NRG1: variants seen among roughly 807,000 people sequenced by gnomAD.
The protein encoded by NRG1 is neuregulin 1.
In NRG1, 18 loss-of-function variants were observed where a neutral mutation model predicts 63.8. That is an observed-to-expected ratio of 0.28 (90% CI 0.19 to 0.42). The LOEUF (loss-of-function observed/expected upper bound fraction) is 0.42. Ranked by LOEUF, NRG1 falls within the 10% of genes least tolerant of loss-of-function variation. NRG1 has a pLI of 1.00. For missense variants in NRG1, 762 were observed against 814.7 expected (o/e 0.94, Z 0.79); for synonymous variants, 302 against 301.3 (o/e 1.00, Z -0.02).
At chr8:32,614,482 T>A in intron 3 of NRG1, 32 bp from the exon 4 acceptor site, 1 of 1,608,998 alleles carries the variant, frequency 6.2e-7, no homozygotes, top group South Asian at 1.1e-5. Flanking sequence ...CCTGTTTATA[T>A]ATCATAATGT....
At chr8:32,456,763 G>C (rs1170563988) in intron 1 of NRG1, among the ~76,000 whole-genome samples, 1 of 152,066 alleles carries the variant, frequency 6.6e-6, no homozygotes, top group Non-Finnish European at 1.5e-5. Flanking sequence ...GATTTTCACG[G>C]GTGGTTGGAC....
At position 31,716,763 on chromosome 8, in the gene NRG1, T is replaced by C. The variant is rs568401739; in HGVS notation, c.37+77332T>C. On this transcript the variant is annotated intron_variant, in intron 1 of 10. Transcript: ENST00000519301. ...GTTCTAATTTTTAAAATGCATAATC[T>C]TTAGGGTAAAGTCTTGGAGAGTGGC... Among the ~76,000 whole-genome samples, 4 of 152,324 alleles carry C rather than the reference T, an allele frequency of 2.6e-5. No homozygotes were observed. The East Asian group carries it at 7.7e-4, about 29-fold the overall frequency.
chr8:32,758,886 C>CA (rs1220741501), intron 9 of NRG1, among the ~76,000 whole-genome samples: 2 of 152,062 alleles, frequency 1.3e-5, no homozygotes, highest in Non-Finnish European at 2.9e-5. Flanking sequence ...TGAAACTATA[C>CA]AAATCACCTG....
intron 1 of NRG1, among the ~76,000 whole-genome samples, chr8:31,759,179 A>G (rs1390716456): frequency 6.6e-6 from 1 of 152,146 alleles, no homozygotes; most frequent in African/African-American, 2.4e-5. Context: ...ATTCTCTCCC[A>G]GAATGTAGCT....
At chr8:32,732,747 T>C (rs979513257) in intron 6 of NRG1, among the ~76,000 whole-genome samples, 2 of 151,950 alleles carry the variant, frequency 1.3e-5, no homozygotes, top group Admixed American at 1.3e-4. Context: ...TCAGTAGACA[T>C]TGGAAAAATA....
chr8:32,335,070 A>G (rs139741282), intron 1 of NRG1, among the ~76,000 whole-genome samples: 4 of 152,280 alleles, frequency 2.6e-5, no homozygotes, highest in African/African-American at 7.2e-5. Flanking sequence ...ATATAGTGGT[A>G]TATATATAAT....
At chr8:32,165,545 G>A (rs890989950) in intron 1 of NRG1, among the ~76,000 whole-genome samples, 5 of 152,196 alleles carry the variant, frequency 3.3e-5, no homozygotes, top group African/African-American at 9.6e-5. Flanking sequence ...GCAAAAGGCA[G>A]ACAGAAGTAG....
chr8:31,817,262 G>T (rs1420365260), intron 1 of NRG1, among the ~76,000 whole-genome samples: 1 of 152,196 alleles, frequency 6.6e-6, no homozygotes, highest in Non-Finnish European at 1.5e-5. Flanking sequence ...TAATGCTTTT[G>T]TTCCTCTCTG....
chr8:32,493,255 T>A (rs1200403362), intron 1 of NRG1, among the ~76,000 whole-genome samples: 1 of 152,126 alleles, frequency 6.6e-6, no homozygotes, highest in Non-Finnish European at 1.5e-5. Flanking sequence ...ACAAATGAAC[T>A]AAGAAACTGA....
chr8:32,324,839 G>A (rs1028704594), intron 1 of NRG1, among the ~76,000 whole-genome samples: 8 of 152,072 alleles, frequency 5.3e-5, no homozygotes, highest in South Asian at 2.1e-4. Context: ...AAGTGTGCAG[G>A]CCCTGGATTC....
At chr8:32,657,262 T>G (rs938693393) in intron 5 of NRG1, among the ~76,000 whole-genome samples, 4 of 151,714 alleles carry the variant, frequency 2.6e-5, no homozygotes, top group African/African-American at 9.7e-5. Flanking sequence ...TGTAATATAA[T>G]TTTGTTTCCC....
At chr8:32,374,589 A>G (rs1027945492) in intron 1 of NRG1, among the ~76,000 whole-genome samples, 4 of 152,204 alleles carry the variant, frequency 2.6e-5, no homozygotes, top group African/African-American at 9.6e-5. Context: ...AAAACAGAGC[A>G]AAACCAAATT....
chr8:32,435,043 G>A (rs1490659618), intron 1 of NRG1, among the ~76,000 whole-genome samples: 2 of 152,140 alleles, frequency 1.3e-5, no homozygotes, highest in Non-Finnish European at 2.9e-5. Flanking sequence ...TGTTTTCCCA[G>A]GTGGATTTTT....
intron 1 of NRG1, among the ~76,000 whole-genome samples, chr8:32,588,984 T>C (rs1045808266): frequency 1.3e-5 from 2 of 152,066 alleles, no homozygotes; most frequent in African/African-American, 4.8e-5. Context: ...GAGCACAACA[T>C]CACCACAGGT....
chr8:31,997,221 T>C (rs1371979376), intron 1 of NRG1, among the ~76,000 whole-genome samples: 1 of 151,556 alleles, frequency 6.6e-6, no homozygotes, highest in Non-Finnish European at 1.5e-5. Flanking sequence ...GGCATTAATT[T>C]TGTTTTATTT....
At chr8:31,844,265 C>T (rs909459800) in intron 1 of NRG1, among the ~76,000 whole-genome samples, 3 of 152,126 alleles carry the variant, frequency 2.0e-5, no homozygotes, top group Non-Finnish European at 2.9e-5. Context: ...AAGGGAGTAT[C>T]GCTGTGCTAA....
chr8:32,333,882 C>G (rs749114949), intron 1 of NRG1, among the ~76,000 whole-genome samples: 17 of 152,174 alleles, frequency 1.1e-4, no homozygotes, highest in Non-Finnish European at 2.4e-4. Context: ...CAGATTCTTT[C>G]AGACCACTAT....
chr8:31,985,295 T>C (rs1326144964), intron 1 of NRG1, among the ~76,000 whole-genome samples: 1 of 152,132 alleles, frequency 6.6e-6, no homozygotes, highest in Non-Finnish European at 1.5e-5. Flanking sequence ...ATTTCCTTTT[T>C]ATACATCTTG....
At chr8:31,958,473 G>T (rs78242743) in intron 1 of NRG1, among the ~76,000 whole-genome samples, 1 of 152,128 alleles carries the variant, frequency 6.6e-6, no homozygotes, top group Admixed American at 6.5e-5. Context: ...TGTGTCATAT[G>T]TGGCTGGGTT....
Sources: allele counts gnomAD v4.1 joint callset (sites outside exome capture counted in the v4.1 genomes callset), GRCh38; gene constraint gnomAD v4.1.1; transcripts MANE v1.5; gene names NCBI Gene and HGNC (gene_info 2026-07-23, HGNC 2026-07-21).